Variants in MSRA observed in about 807,000 individuals in gnomAD.
MSRA encodes mitochondrial peptide methionine sulfoxide reductase.
MSRA carries 54 observed loss-of-function variants against 31.3 expected under a neutral mutation model. That is an observed-to-expected ratio of 1.73 (90% CI 1.39 to 2.17). The LOEUF (loss-of-function observed/expected upper bound fraction) is 2.17, where lower values mean the gene tolerates loss of function less well. MSRA is among the 30% of genes most tolerant of loss of function. MSRA has a pLI of 0.00. For missense variants in MSRA, 507 were observed against 300.9 expected, an observed-to-expected ratio of 1.69 and a Z score of -5.07; for synonymous variants, 169 against 116.5, an observed-to-expected ratio of 1.45 and a Z score of -2.90.
At chr8:10,403,049 G>A (rs1216660210) in intron 5 of MSRA, among the ~76,000 whole-genome samples, 2 of 152,190 alleles carry the variant, frequency 1.3e-5, no homozygotes, top group Non-Finnish European at 1.5e-5. Context: ...CAGGATGCTT[G>A]ACACCTGTCT....
intron 2 of MSRA, among the ~76,000 whole-genome samples, chr8:10,222,034 C>A (rs1350282762): frequency 6.6e-6 from 1 of 151,016 alleles, no homozygotes. Context: ...ATTTATTTTG[C>A]ACACTATAGG....
In MSRA at chr8:10,244,823, T is replaced by C. The variant is rs141483800; in HGVS notation, c.212-281T>C. On this transcript the variant is annotated intron_variant, in intron 2 of 5. Coordinates refer to ENST00000317173, the MANE Select transcript of MSRA (RefSeq NM_012331.5). ...AAATAGTTACCCCCTTACTGTGTTA[T>C]TTGGAAATGTGTAGATTTACTAACT... Among the ~76,000 whole-genome samples the C allele has an allele frequency of 1.8e-3, 274 of 152,334 alleles. 2 individuals carry two copies. Among genetic ancestry groups the C allele is most frequent in the African/African-American group, 6.3e-3 (261 of 41,582 alleles).
At chr8:10,325,697 G>C (rs529365172) in intron 5 of MSRA, among the ~76,000 whole-genome samples, 8 of 152,212 alleles carry the variant, frequency 5.3e-5, no homozygotes, top group African/African-American at 1.9e-4. Context: ...AGGTTGATCA[G>C]TGCTTTAGCC....
chr8:10,383,365 G>C (rs565257191), intron 5 of MSRA, among the ~76,000 whole-genome samples: 3 of 152,320 alleles, frequency 2.0e-5, no homozygotes, highest in Admixed American at 1.3e-4. Flanking sequence ...CACAGGGTCA[G>C]TTTCAAAGCG....
At chr8:10,382,102 C>G (rs10095190) in intron 5 of MSRA, among the ~76,000 whole-genome samples, 94,345 of 152,164 alleles carry the variant, frequency 0.62, 29,439 homozygotes, top group African/African-American at 0.67. Flanking sequence ...TCTAGAAGCT[C>G]TACTGCCCCC....
At chr8:10,201,470 C>G (rs1808496542) in intron 1 of MSRA, among the ~76,000 whole-genome samples, 1 of 152,132 alleles carries the variant, frequency 6.6e-6, no homozygotes, top group Non-Finnish European at 1.5e-5. Context: ...CCTGGTCACC[C>G]AGTCCCCACT....
intron 1 of MSRA, among the ~76,000 whole-genome samples, chr8:10,133,194 C>T (rs537669457): frequency 1.3e-5 from 2 of 152,242 alleles, no homozygotes; most frequent in South Asian, 2.1e-4. Flanking sequence ...GTGAGGGTGG[C>T]TGGAGACAGG....
rs1806842084 is a variant in MSRA, at chr8:10,392,888, TGCAAAAAAAAAAAAAA to T, written c.544-35259_544-35244del. On this transcript the variant is annotated intron_variant, in intron 5 of 5. Coordinates refer to ENST00000317173, the MANE Select transcript of MSRA (RefSeq NM_012331.5). Reference sequence around the variant, plus strand: ...GGTAAAACCCCGTCTCTACTAAAAATGCAAAAAAAAAAAAAAAAAAAAAATTAGCCGGCAGTAATGG... The same window carrying T: ...GGTAAAACCCCGTCTCTACTAAAAATAAAAAAAATTAGCCGGCAGTAATGG... 3.6e-4 allele frequency among the ~76,000 whole-genome samples: 3 copies of T among 8,406 alleles called. No homozygotes were observed. In the South Asian group the frequency reaches 0.018, roughly 51 times the overall value. The allele number at this position is 8,406 out of a possible 152,430, so 5.5% of individuals were successfully genotyped here. A position where few individuals can be genotyped will look rare whatever the true frequency, so the allele number is the denominator to read the frequency against.
chr8:10,147,909 G>T (rs1331611509), intron 1 of MSRA, among the ~76,000 whole-genome samples: 1 of 152,198 alleles, frequency 6.6e-6, no homozygotes, highest in Non-Finnish European at 1.5e-5. Flanking sequence ...TCCTCAGACT[G>T]ATGCGAAACT....
chr8:10,080,301 C>A (rs1037018399), intron 1 of MSRA, among the ~76,000 whole-genome samples: 6 of 151,926 alleles, frequency 3.9e-5, no homozygotes, highest in African/African-American at 1.5e-4. Context: ...TGGCTTCTTG[C>A]AGATTTTTTT....
intron 3 of MSRA, among the ~76,000 whole-genome samples, chr8:10,289,104 C>T (rs1351720421): frequency 6.6e-6 from 1 of 151,172 alleles, no homozygotes; most frequent in Non-Finnish European, 1.5e-5. Flanking sequence ...CAACCTCTGC[C>T]TCCCAGGTTC....
At chr8:10,248,106 A>T (rs1400019142) in intron 3 of MSRA, among the ~76,000 whole-genome samples, 14 of 151,864 alleles carry the variant, frequency 9.2e-5, no homozygotes, top group Admixed American at 9.2e-4. Context: ...ACAAACAAAA[A>T]CCCCAAGGCT....
intron 5 of MSRA, among the ~76,000 whole-genome samples, chr8:10,323,538 A>G (rs1326124468): frequency 6.6e-6 from 1 of 152,170 alleles, no homozygotes; most frequent in Admixed American, 6.5e-5. Flanking sequence ...TGTAGTTTCT[A>G]CCCTCAGTTT....
At chr8:10,090,592 C>T (rs1005311870) in intron 1 of MSRA, among the ~76,000 whole-genome samples, 5 of 152,118 alleles carry the variant, frequency 3.3e-5, no homozygotes, top group Non-Finnish European at 5.9e-5. Context: ...AGTGGTTTTT[C>T]GTACATTCAC....
At chr8:10,362,858 C>T (rs961913924) in intron 5 of MSRA, among the ~76,000 whole-genome samples, 1 of 151,942 alleles carries the variant, frequency 6.6e-6, no homozygotes, top group African/African-American at 2.4e-5. Flanking sequence ...TCCTCCTTCC[C>T]TCCTGGCCCC....
At chr8:10,420,767 A>C (rs1808765133) in intron 5 of MSRA, among the ~76,000 whole-genome samples, 1 of 152,212 alleles carries the variant, frequency 6.6e-6, no homozygotes. Flanking sequence ...TTCAGTTCAG[A>C]AAGATGAAAA....
intron 5 of MSRA, among the ~76,000 whole-genome samples, chr8:10,400,665 A>G (rs573831796): frequency 5.9e-5 from 9 of 152,112 alleles, no homozygotes; most frequent in African/African-American, 2.2e-4. Context: ...TGGCAGGAGG[A>G]GAAGCATAAT....
intron 1 of MSRA, among the ~76,000 whole-genome samples, chr8:10,100,307 A>G (rs1367616503): frequency 1.3e-5 from 2 of 152,034 alleles, no homozygotes; most frequent in Non-Finnish European, 2.9e-5. Context: ...CATTGTGTAT[A>G]GTTCTGTGTC....
intron 1 of MSRA, among the ~76,000 whole-genome samples, chr8:10,129,843 A>T (rs1801770547): frequency 3.1e-5 from 1 of 32,588 alleles, no homozygotes; most frequent in South Asian, 9.5e-4. Flanking sequence ...CAGGGTTGAC[A>T]TTCAGCAAAT....
Sources: gnomAD v4.1 joint callset for allele counts (sites outside exome capture counted in the v4.1 genomes callset) on GRCh38, gnomAD v4.1.1 for gene constraint, MANE v1.5 for transcripts, NCBI Gene and HGNC (gene_info 2026-07-23, HGNC 2026-07-21) for gene names.